Variants in FRMD6 observed in about 807,000 individuals in gnomAD.
FRMD6 encodes FERM domain containing 6.
FRMD6 carries 37 observed loss-of-function variants against 73.2 expected under a neutral mutation model. The observed-to-expected ratio is 0.51, with a 90% CI of 0.39 to 0.66. FRMD6 has a LOEUF of 0.66. FRMD6 is among the 30% of genes least tolerant of loss of function. The pLI is 0.00. For synonymous variants in FRMD6, 273 were observed against 282.2 expected, an observed-to-expected ratio of 0.97 and a Z score of 0.33; for missense variants, 714 against 780.5, an observed-to-expected ratio of 0.91 and a Z score of 1.02.
intron 1 of FRMD6, among the ~76,000 whole-genome samples, chr14:51,665,348 C>T (rs1893504612): frequency 6.6e-6 from 1 of 152,152 alleles, no homozygotes. Flanking sequence ...CTGCAGGCTT[C>T]ACTTCTTTGC....
intron 3 of FRMD6, among the ~76,000 whole-genome samples, chr14:51,699,790 A>T (rs1221287012): frequency 1.3e-5 from 2 of 152,008 alleles, no homozygotes; most frequent in Non-Finnish European, 2.9e-5. Context: ...TCTATTCATT[A>T]TGTTGCTTCT....
chr14:51,412,865 A>G, the FRMD6 span, among the ~76,000 whole-genome samples: 1 of 152,078 alleles, frequency 6.6e-6, no homozygotes, highest in African/African-American at 2.4e-5. Flanking sequence ...AAATAAAATA[A>G]AATAAAATAA....
At position 51,724,097 on chromosome 14, in the gene FRMD6, A is replaced by G. The variant is rs553791537; in HGVS notation, c.1493-1682A>G. The G allele has an allele frequency of 2.8e-4, 42 of 152,254 alleles. No individual in the cohort carries two copies. In the South Asian group the frequency reaches 8.5e-3, roughly 31 times the overall value. The allele number at this position is 152,254 out of a possible 1,614,324, so 9.4% of individuals were successfully genotyped here. ...TTTAAACGTTGCTTATAAAACATTC[A>G]GCTAAGTACTCGCCTTGGCAGCACA... is the stretch of plus-strand genomic sequence containing the variant. On this transcript the variant is annotated intron_variant, in intron 12 of 13. Transcript: ENST00000344768.
rs1884009281 is a variant in FRMD6, at chr14:51,507,089, CACACACACACACA to C, written c.-210+17670_-210+17682del. ...GATTAGAATTGGTTGTATAGACACA[CACACACACACACA>C]CACACACACACACACACACACACAC... On this transcript the variant is annotated intron_variant, in intron 1 of 14. Coordinates refer to the FRMD6 transcript ENST00000356218. Among the ~76,000 whole-genome samples the C allele has an allele frequency of 3.7e-4, 10 of 27,166 alleles. No homozygotes were observed. In the South Asian group the frequency reaches 0.012, roughly 34 times the overall value. 17.8% of individuals were successfully genotyped at this position (27,166 alleles called of 152,430 possible).
chr14:51,402,958 G>A, the FRMD6 span, among the ~76,000 whole-genome samples: 1 of 143,420 alleles, frequency 7.0e-6, no homozygotes, highest in Non-Finnish European at 1.5e-5. Context: ...TTTATCAGCA[G>A]TGTGAATACA....
chr14:51,424,768 C>T, the FRMD6 span, among the ~76,000 whole-genome samples: 1 of 152,056 alleles, frequency 6.6e-6, no homozygotes, highest in Admixed American at 6.6e-5. Context: ...TATTTAGCAA[C>T]AATCAACAAA....
intron 1 of FRMD6, among the ~76,000 whole-genome samples, chr14:51,492,929 G>A (rs938825435): frequency 3.9e-5 from 6 of 152,164 alleles, no homozygotes; most frequent in Admixed American, 2.0e-4. Flanking sequence ...CCACCATGGC[G>A]CCTGGATTAC....
intron 1 of FRMD6, among the ~76,000 whole-genome samples, chr14:51,553,168 A>T (rs1039917055): frequency 6.6e-6 from 1 of 152,250 alleles, no homozygotes; most frequent in Non-Finnish European, 1.5e-5. Flanking sequence ...GTTGGAGTTA[A>T]AAGTCTCTAC....
intron 2 of FRMD6, among the ~76,000 whole-genome samples, chr14:51,585,923 A>ATGTGTGTGTGTGTGTG (rs144016037): frequency 0.021 from 763 of 36,542 alleles, 202 homozygotes; most frequent in South Asian, 0.036. Context: ...ATGCCATGGC[A>ATGTGTGTGTGTGTGTG]TGTGTGTGTG....
the FRMD6 span, among the ~76,000 whole-genome samples, chr14:51,456,327 G>T: frequency 1.3e-5 from 2 of 151,922 alleles, no homozygotes; most frequent in South Asian, 2.1e-4. Context: ...ACAGGCCCCA[G>T]TGTGTGATGT....
In FRMD6 at chr14:51,720,128, G is replaced by A. The variant is rs1007193435; in HGVS notation, c.1098G>A (p.Ser366=). ...ACATGGACCAGCTGGAAAAACGGTC[G>A]CGGGCCAGCGGGAGCAGTGCGGGCA... ...DLDMDQLEKR[S]RASGSSAGSM... is the part of the protein sequence containing the mutation. Residue 366 remains serine, a synonymous_variant, in exon 11 of 14, where the codon TCG becomes TCA. Coordinates refer to ENST00000344768, the MANE Select transcript of FRMD6 (RefSeq NM_001267046.2). The A allele has an allele frequency of 1.9e-5, 30 of 1,613,648 alleles. No individual in the cohort carries two copies. The highest frequency in any genetic ancestry group is 2.3e-5 in the Non-Finnish European group (27 of 1,180,028).
At chr14:51,599,827 C>T (rs554992190) in intron 2 of FRMD6, 1 of 150,270 alleles carries the variant, frequency 6.7e-6, no homozygotes, top group East Asian at 1.9e-4. Context: ...AAACACATAC[C>T]TTTGAGAACC....
At chr14:51,450,657 T>G in the FRMD6 span, among the ~76,000 whole-genome samples, 10 of 152,146 alleles carry the variant, frequency 6.6e-5, no homozygotes, top group South Asian at 2.1e-4. Context: ...AATCTAGAAT[T>G]TGGGATTTTT....
At chr14:51,680,856 G>T (rs1183448895) in intron 1 of FRMD6, among the ~76,000 whole-genome samples, 1 of 151,992 alleles carries the variant, frequency 6.6e-6, no homozygotes, top group Non-Finnish European at 1.5e-5. Flanking sequence ...ACACTTTAGT[G>T]AGTACTTTTG....
intron 2 of FRMD6, among the ~76,000 whole-genome samples, chr14:51,573,470 A>G (rs1277321438): frequency 1.3e-5 from 2 of 152,218 alleles, no homozygotes; most frequent in African/African-American, 4.8e-5. Flanking sequence ...CAGATATTCC[A>G]GGAATACACT....
chr14:51,519,719 T>G (rs1884837356), intron 1 of FRMD6, among the ~76,000 whole-genome samples: 1 of 152,162 alleles, frequency 6.6e-6, no homozygotes, highest in Non-Finnish European at 1.5e-5. Context: ...GCTGACTTTG[T>G]GCAGTGAAGA....
At chr14:51,649,122 C>T (rs1487864121), upstream of FRMD6, among the ~76,000 whole-genome samples, 1 of 152,142 alleles carries the variant, frequency 6.6e-6, no homozygotes, top group Non-Finnish European at 1.5e-5. Context: ...TTTCTCAGCT[C>T]CCCTTCCATC....
intron 2 of FRMD6, among the ~76,000 whole-genome samples, chr14:51,609,289 A>G (rs1156777575): frequency 6.6e-6 from 1 of 152,140 alleles, no homozygotes; most frequent in Non-Finnish European, 1.5e-5. Flanking sequence ...CATCAATATT[A>G]TCGTTGTCTG....
At chr14:51,679,210 G>T (rs1341167030) in intron 1 of FRMD6, among the ~76,000 whole-genome samples, 7 of 151,988 alleles carry the variant, frequency 4.6e-5, no homozygotes, top group Non-Finnish European at 7.4e-5. Context: ...AACACAGTGA[G>T]GTTGTATAGT....
Sources: gnomAD v4.1 joint callset for allele counts (sites outside exome capture counted in the v4.1 genomes callset) on GRCh38, gnomAD v4.1.1 for gene constraint, MANE v1.5 for transcripts, NCBI Gene and HGNC (gene_info 2026-07-23, HGNC 2026-07-21) for gene names.